AGTPBP1: variants seen among roughly 807,000 people sequenced by gnomAD.
The protein encoded by AGTPBP1 is ATP/GTP binding carboxypeptidase 1.
A neutral mutation model predicts 143.9 loss-of-function variants in AGTPBP1; 70 were observed. The ratio of observed to expected loss-of-function variants is 0.49; its 90% CI spans 0.40 to 0.59. AGTPBP1 has a LOEUF of 0.59. AGTPBP1 is among the 20% of genes least tolerant of loss of function. The probability of loss-of-function intolerance (pLI) is 0.00; values close to 1 mark genes in which losing one functional copy is unlikely to be tolerated. For missense variants in AGTPBP1, 1,229 were observed against 1,464.5 expected, an observed-to-expected ratio of 0.84 and a Z score of 2.62; for synonymous variants, 463 against 500.2, an observed-to-expected ratio of 0.93 and a Z score of 0.99.
intron 25 of AGTPBP1, among the ~76,000 whole-genome samples, chr9:85,571,658 G>C (rs1322510725): frequency 6.6e-6 from 1 of 152,134 alleles, no homozygotes; most frequent in African/African-American, 2.4e-5. Flanking sequence ...TGATCAAAGG[G>C]AATATTTTGA....
chr9:85,604,715 C>A (rs1829886837), intron 17 of AGTPBP1, among the ~76,000 whole-genome samples: 1 of 152,110 alleles, frequency 6.6e-6, no homozygotes, highest in African/African-American at 2.4e-5. Context: ...TTTGAGGAAG[C>A]TCAGTGAAAT....
intron 23 of AGTPBP1, 95 bp downstream of exon 23, chr9:85,585,368 A>G (rs1276094699): frequency 2.6e-5 from 31 of 1,211,036 alleles, no homozygotes; most frequent in Non-Finnish European, 3.3e-5. Flanking sequence ...CAAAATGTCA[A>G]TATTTATTGA....
At chr9:85,595,629 C>T (rs539940408) in intron 18 of AGTPBP1, among the ~76,000 whole-genome samples, 2 of 152,234 alleles carry the variant, frequency 1.3e-5, no homozygotes, top group Admixed American at 6.5e-5. Context: ...CGGGTTCAAG[C>T]GATTCTCTTC....
At chr9:85,629,827 G>A (rs887596391) in intron 14 of AGTPBP1, among the ~76,000 whole-genome samples, 1 of 152,138 alleles carries the variant, frequency 6.6e-6, no homozygotes, top group African/African-American at 2.4e-5. Context: ...ATCTAAATAA[G>A]TGTCTTGACC....
chr9:85,682,589 A>C (rs1276341075), intron 3 of AGTPBP1, among the ~76,000 whole-genome samples: 1 of 152,216 alleles, frequency 6.6e-6, no homozygotes, highest in African/African-American at 2.4e-5. Flanking sequence ...CATTTATTTC[A>C]CATTTTGAGA....
chr9:85,560,548 C>T (rs1826642817), intron 25 of AGTPBP1, among the ~76,000 whole-genome samples: 1 of 152,036 alleles, frequency 6.6e-6, no homozygotes, highest in Non-Finnish European at 1.5e-5. Flanking sequence ...TTGAGCTTCC[C>T]AAATGCTGGC....
At chr9:85,645,500 G>C (rs1184909436) in intron 12 of AGTPBP1, among the ~76,000 whole-genome samples, 1 of 152,138 alleles carries the variant, frequency 6.6e-6, no homozygotes, top group Non-Finnish European at 1.5e-5. Flanking sequence ...ACATTTGCTG[G>C]TTATAAAATG....
chr9:85,606,273 T>C (rs998840954), intron 17 of AGTPBP1, among the ~76,000 whole-genome samples: 1 of 151,470 alleles, frequency 6.6e-6, no homozygotes, highest in Non-Finnish European at 1.5e-5. Flanking sequence ...AAAGAAGATA[T>C]ACAAATGGCC....
intron 6 of AGTPBP1, among the ~76,000 whole-genome samples, chr9:85,674,278 G>C (rs1007727496): frequency 6.6e-6 from 1 of 151,802 alleles, no homozygotes; most frequent in Admixed American, 6.6e-5. Flanking sequence ...ACCATATAAT[G>C]TCCTTGAATG....
the AGTPBP1 span, among the ~76,000 whole-genome samples, chr9:85,750,730 TG>T: frequency 6.6e-6 from 1 of 152,180 alleles, no homozygotes; most frequent in Non-Finnish European, 1.5e-5. Flanking sequence ...CCTAATCTGC[TG>T]GCCCCTGATG....
intron 17 of AGTPBP1, among the ~76,000 whole-genome samples, chr9:85,603,464 T>C (rs929696895): frequency 2.0e-5 from 3 of 152,100 alleles, no homozygotes; most frequent in African/African-American, 7.2e-5. Context: ...GCAGGATTCA[T>C]TACCTGCTGG....
At chr9:85,656,530 C>T (rs1208170572) in intron 10 of AGTPBP1, among the ~76,000 whole-genome samples, 1 of 151,786 alleles carries the variant, frequency 6.6e-6, no homozygotes, top group Non-Finnish European at 1.5e-5. Context: ...TGTGTGAGAC[C>T]AGGAGGGCAC....
chr9:85,764,780 G>T, the AGTPBP1 span: 1 of 1,299,210 alleles, frequency 7.7e-7, no homozygotes, highest in Non-Finnish European at 1.1e-6. Flanking sequence ...TGAAAAGAAT[G>T]TGCAGCTCCA....
chr9:85,575,294 G>GA lies in AGTPBP1; in HGVS notation c.3503+20dup. ...AATAATATACTACAATATAATAAAA[G>GA]AAAAAACAATTTTTTCCTACCTAGT... is the stretch of plus-strand genomic sequence containing the variant. On this transcript the variant is annotated intron_variant, in intron 25 of 25. Transcript: ENST00000357081. 1.9e-6 allele frequency: 3 copies of GA among 1,560,578 alleles called. No homozygotes were observed. The South Asian group carries it at 3.7e-5, about 19-fold the overall frequency.
At chr9:85,737,933 C>A (rs971431913) in intron 1 of AGTPBP1, among the ~76,000 whole-genome samples, 1 of 152,138 alleles carries the variant, frequency 6.6e-6, no homozygotes, top group African/African-American at 2.4e-5. Context: ...TATTTCAACC[C>A]AAACAACATA....
chr9:85,660,447 ATT>A lies in AGTPBP1; in HGVS notation c.700+487_700+488del, dbSNP rs1833788636. On this transcript the variant is annotated intron_variant, in intron 9 of 25. Transcript: ENST00000357081. ...ATTCTGATAAGGAAAACAGTGCTTT[ATT>A]TTGTAAATGAATTAGACTGTAAATG... Among the ~76,000 whole-genome samples the A allele has an allele frequency of 2.6e-5, 4 of 152,300 alleles. No homozygotes were observed. In the South Asian group the frequency reaches 8.3e-4, roughly 32 times the overall value.
Position 85,633,002 on chromosome 9 carries a change from T to C in AGTPBP1, c.1675A>G (p.Ser559Gly), listed in dbSNP as rs766880701. 3.7e-6 allele frequency: 6 copies of C among 1,614,176 alleles called. No homozygotes were observed. Among genetic ancestry groups the C allele is most frequent in the South Asian group, 3.3e-5 (3 of 91,088 alleles). Residue 559 changes from serine (S) to glycine (G), a missense_variant, in exon 14 of 26, where the codon AGT (serine) becomes GGT (glycine). Ser to Gly is a moderately conservative substitution (Grantham distance 56). Around this residue, in one of 2 missense-constraint regions of AGTPBP1, gnomAD observed 743 missense variants for 812.2 expected, o/e 0.91. Coordinates refer to ENST00000357081, the MANE Select transcript of AGTPBP1 (RefSeq NM_001330701.2). Reference sequence around the variant, plus strand: ...CAGGTAAGGACAGTAAGAGGAAGACTGCAGTCCTTCTTCATTTCTGCAGTA... The same window carrying C: ...CAGGTAAGGACAGTAAGAGGAAGACCGCAGTCCTTCTTCATTTCTGCAGTA... ...GFTAEMKKDCSLPLTVLTCAK... is the reference protein window; with the variant it reads ...GFTAEMKKDCGLPLTVLTCAK...
chr9:85,672,095 G>T (rs1315235109), intron 7 of AGTPBP1, among the ~76,000 whole-genome samples: 2 of 151,558 alleles, frequency 1.3e-5, no homozygotes, highest in Non-Finnish European at 2.9e-5. Flanking sequence ...GGTTGAGACG[G>T]AGTCTTGCTC....
intron 2 of AGTPBP1, among the ~76,000 whole-genome samples, chr9:85,702,995 C>T (rs1836768834): frequency 6.6e-6 from 1 of 152,210 alleles, no homozygotes; most frequent in African/African-American, 2.4e-5. Context: ...AGGGTCCACC[C>T]TAAACCTTCA....
Sources: allele counts gnomAD v4.1 joint callset (sites outside exome capture counted in the v4.1 genomes callset), GRCh38; gene constraint gnomAD v4.1.1; regional missense constraint gnomAD v4.1.1; transcripts MANE v1.5; gene names NCBI Gene and HGNC (gene_info 2026-07-23, HGNC 2026-07-21).